Variants in CENPC observed in about 807,000 individuals in gnomAD.
The protein encoded by CENPC is CENP-C 1.
A neutral mutation model predicts 112.1 loss-of-function variants in CENPC; 63 were observed. The ratio of observed to expected loss-of-function variants is 0.56; its 90% CI spans 0.46 to 0.69. The LOEUF (loss-of-function observed/expected upper bound fraction) is 0.69. CENPC is among the 30% of genes least tolerant of loss of function. CENPC has a pLI of 0.00. For missense variants in CENPC, 1,000 were observed against 1,103.8 expected (o/e 0.91, Z 1.33); for synonymous variants, 333 against 367.6 (o/e 0.91, Z 1.08).
intron 18 of CENPC, among the ~76,000 whole-genome samples, chr4:67,473,168 T>C (rs1416045598): frequency 6.6e-6 from 1 of 151,830 alleles, no homozygotes; most frequent in African/African-American, 2.4e-5. Context: ...GGGCTCAAGC[T>C]ATCCTCCCGC....
intron 17 of CENPC, among the ~76,000 whole-genome samples, chr4:67,487,232 T>C (rs1465507898): frequency 1.3e-5 from 2 of 149,378 alleles, no homozygotes; most frequent in Admixed American, 6.6e-5. Context: ...GATTACCTAA[T>C]AGCACAGTTT....
At chr4:67,503,458 T>A (rs771690744) in intron 12 of CENPC, among the ~76,000 whole-genome samples, 61 of 152,142 alleles carry the variant, frequency 4.0e-4, no homozygotes, top group Non-Finnish European at 7.3e-4. Flanking sequence ...ATTTCTCTAC[T>A]CTCAACACCC....
chr4:67,543,312 C>T (rs182259634), intron 2 of CENPC, among the ~76,000 whole-genome samples: 259 of 152,246 alleles, frequency 1.7e-3, no homozygotes, highest in African/African-American at 5.8e-3. Flanking sequence ...CGTTAAGTTA[C>T]TTTCTATGTC....
rs1725999462 is a variant in CENPC at position 67,514,533 on chromosome 4, G to T, written c.985C>A (p.Gln329Lys). Reference sequence around the variant, plus strand: ...CTCTCAGCCGGGGATATTGTGCGTTGTTTCAGAGACCCTGCCTTTCTTGGT... The same window carrying T: ...CTCTCAGCCGGGGATATTGTGCGTTTTTTCAGAGACCCTGCCTTTCTTGGT... The part of the protein sequence containing the change: ...TIPRKAGSLK[Q>K]RTISPAESTA... Residue 329 changes from glutamine to lysine, a missense_variant, in exon 8 of 19, where the codon CAA (glutamine) becomes AAA (lysine). By Grantham distance (53) the Gln-to-Lys change is moderately conservative. Coordinates refer to ENST00000273853, the MANE Select transcript of CENPC (RefSeq NM_001812.4). The T allele has an allele frequency of 6.2e-7, 1 of 1,612,616 alleles. No homozygotes were observed.
Position 67,471,004 on chromosome 4 carries a change from AAG to A in CENPC, c.*1599_*1600del, listed in dbSNP as rs1416912878. 1.1e-5 allele frequency: 1 copy of A among 92,926 alleles called. No homozygotes were observed. Among genetic ancestry groups the A allele is most frequent in the Non-Finnish European group, 2.8e-5 (1 of 36,152 alleles). The allele number at this position is 92,926 out of a possible 1,614,324, so 5.8% of individuals were successfully genotyped here. On this transcript the variant is annotated 3_prime_UTR_variant, in exon 19 of 19. Transcript: ENST00000273853. ...AATGATGCATGCACAGGGGAGACTC[AAG>A]AGAGCATGGCAAATGTAAAAACCAA...
At chr4:67,491,466 TATATATATATATATAGAG>T (rs1270283401) in intron 16 of CENPC, among the ~76,000 whole-genome samples, 27 of 61,268 alleles carry the variant, frequency 4.4e-4, no homozygotes, top group Admixed American at 5.6e-4. Flanking sequence ...TATATATATA[TATATATATATATATAGAG>T]AGAGAGAGAG....
At chr4:67,497,296 TG>T (rs1251369607) in intron 12 of CENPC, among the ~76,000 whole-genome samples, 1 of 151,914 alleles carries the variant, frequency 6.6e-6, no homozygotes, top group African/African-American at 2.4e-5. Flanking sequence ...GAGAATCGCT[TG>T]AACCCAGAAG....
At chr4:67,527,802 C>G (rs1212787527) in intron 5 of CENPC, among the ~76,000 whole-genome samples, 1 of 151,758 alleles carries the variant, frequency 6.6e-6, no homozygotes, top group East Asian at 1.9e-4. Context: ...TGCTTGGACC[C>G]ATCACTGTTA....
intron 12 of CENPC, among the ~76,000 whole-genome samples, chr4:67,499,746 T>C (rs1725539569): frequency 6.6e-6 from 1 of 152,212 alleles, no homozygotes; most frequent in Non-Finnish European, 1.5e-5. Flanking sequence ...AAATTGGCTG[T>C]TTGGTGCCCG....
intron 17 of CENPC, among the ~76,000 whole-genome samples, chr4:67,486,587 A>G (rs2109770376): frequency 6.6e-6 from 1 of 152,284 alleles, no homozygotes; most frequent in Middle Eastern, 3.4e-3. Flanking sequence ...ACAACGGACA[A>G]TTTCTGAAGA....
intron 5 of CENPC, among the ~76,000 whole-genome samples, chr4:67,529,277 G>A (rs1000204883): frequency 1.3e-5 from 2 of 152,000 alleles, no homozygotes; most frequent in African/African-American, 4.8e-5. Flanking sequence ...TTTTCGCCTA[G>A]TCTGGTTGCC....
chr4:67,503,334 T>G (rs546333441), intron 12 of CENPC, among the ~76,000 whole-genome samples: 3 of 152,238 alleles, frequency 2.0e-5, no homozygotes, highest in African/African-American at 7.2e-5. Flanking sequence ...GCTGCACGGT[T>G]TGCTGTCTCA....
At chr4:67,511,724 T>C (rs539564641) in intron 9 of CENPC, among the ~76,000 whole-genome samples, 3 of 152,294 alleles carry the variant, frequency 2.0e-5, no homozygotes, top group East Asian at 3.9e-4. Flanking sequence ...AGGAAAGATC[T>C]TGGGCACTAA....
At chr4:67,532,553 A>G (rs1298495694) in intron 4 of CENPC, among the ~76,000 whole-genome samples, 1 of 152,228 alleles carries the variant, frequency 6.6e-6, no homozygotes, top group African/African-American at 2.4e-5. Flanking sequence ...TACACCATGG[A>G]ATACTATGCA....
In CENPC at chr4:67,470,494, C is replaced by T. The variant is rs1724626337; in HGVS notation, c.*2111G>A. On this transcript the variant is annotated 3_prime_UTR_variant, in exon 19 of 19. Coordinates refer to ENST00000273853, the MANE Select transcript of CENPC (RefSeq NM_001812.4). The stretch of plus-strand genomic sequence containing the variant: ...GGCTGACGCAGGAGAATTGCTTGAA[C>T]CCGGGAGGTGGAGGTTGCAGTGAGC... The T allele has an allele frequency of 6.9e-6, 1 of 145,286 alleles. No homozygotes were observed. The highest frequency in any genetic ancestry group is 1.5e-5 in the Non-Finnish European group (1 of 67,486). The allele number at this position is 145,286 out of a possible 1,614,324, so 9.0% of individuals were successfully genotyped here. A position where few individuals can be genotyped will look rare whatever the true frequency, so the allele number is the denominator to read the frequency against.
At chr4:67,522,413 A>G (rs886181018) in intron 5 of CENPC, among the ~76,000 whole-genome samples, 3 of 152,132 alleles carry the variant, frequency 2.0e-5, no homozygotes, top group African/African-American at 7.2e-5. Context: ...TTGTTTACAC[A>G]TATTTGACAC....
chr4:67,512,424 C>T lies in CENPC; in HGVS notation c.1590G>A (p.Trp530Ter), dbSNP rs1725918523. Residue 530 changes from tryptophan to a stop codon, truncating the protein, a stop_gained, in exon 9 of 19, where the codon TGG becomes TGA. Transcript: ENST00000273853. LOFTEE classifies it high-confidence loss of function. ...SRRISRRPSD[W>*]WVVKSEESPV... ...TACTCTCCTCTGATTTTACCACCCA[C>T]CAATCAGATGGACGCCTGGAAATTC... 2 of 1,595,742 alleles carry T rather than the reference C, an allele frequency of 1.3e-6. No homozygotes were observed. The highest frequency in any genetic ancestry group is 1.3e-5 in the African/African-American group (1 of 74,300).
chr4:67,491,901 G>A (rs1725293053), intron 16 of CENPC, among the ~76,000 whole-genome samples: 1 of 152,102 alleles, frequency 6.6e-6, no homozygotes, highest in South Asian at 2.1e-4. Context: ...GTCAAAGAAG[G>A]CCTAGACCCT....
chr4:67,517,403 C>A (rs1249436588), intron 7 of CENPC, among the ~76,000 whole-genome samples: 1 of 151,182 alleles, frequency 6.6e-6, no homozygotes, highest in Non-Finnish European at 1.5e-5. Context: ...CTCAAGTGAT[C>A]CACCCGCCTC....
Sources: gnomAD v4.1 joint callset for allele counts (sites outside exome capture counted in the v4.1 genomes callset) on GRCh38, gnomAD v4.1.1 for gene constraint, MANE v1.5 for transcripts, NCBI Gene and HGNC (gene_info 2026-07-23, HGNC 2026-07-21) for gene names.